TM2D2: variants seen among roughly 807,000 people sequenced by gnomAD.
TM2D2 encodes the protein TM2 domain containing 2.
In TM2D2, 19 loss-of-function variants were observed where a neutral mutation model predicts 23.0. The ratio of observed to expected loss-of-function variants is 0.82; its 90% CI spans 0.58 to 1.21. The LOEUF is 1.21. Ranked by LOEUF, TM2D2 falls within the 50% of genes most tolerant of loss-of-function variation. The pLI is 0.00. For missense variants in TM2D2, 246 were observed against 265.4 expected (o/e 0.93, Z 0.51); for synonymous variants, 120 against 108.8 (o/e 1.10, Z -0.64).
rs1026839926 is a variant in TM2D2 at position 38,991,018 on chromosome 8, T to C, written c.*314A>G. ...CACTTGCTCCAAAGGACTGAAGATA[T>C]AGCAATGTACAGAAAGGAAGACTAT... On this transcript the variant is annotated 3_prime_UTR_variant, in exon 4 of 4. Coordinates refer to ENST00000456397, the MANE Select transcript of TM2D2 (RefSeq NM_078473.3). 1.4e-4 allele frequency: 49 copies of C among 359,756 alleles called. No homozygotes were observed. The highest frequency in any genetic ancestry group is 1.5e-4 in the Non-Finnish European group (30 of 194,734). 22.3% of individuals were successfully genotyped at this position (359,756 alleles called of 1,614,324 possible). A position where few individuals can be genotyped will look rare whatever the true frequency, so the allele number is the denominator to read the frequency against.
In TM2D2 at chr8:38,996,493, G is replaced by C; in HGVS notation, c.-54C>G. On this transcript the variant is annotated 5_prime_UTR_variant, in exon 1 of 4. Transcript: ENST00000456397. Reference sequence around the variant, plus strand: ...CCTCAACCACAACCCCAGGCCAGCAGCACAGACCCAAGAACTGCGTGGTCA... The same window carrying C: ...CCTCAACCACAACCCCAGGCCAGCACCACAGACCCAAGAACTGCGTGGTCA... 6.2e-7 allele frequency: 1 copy of C among 1,607,260 alleles called. No individual in the cohort carries two copies. Among genetic ancestry groups the C allele is most frequent in the Admixed American group, 1.7e-5 (1 of 59,516 alleles).
At position 38,989,777 on chromosome 8, in the gene TM2D2, T is replaced by G. The variant is rs1188169705; in HGVS notation, c.*1555A>C. 6.6e-6 allele frequency: 1 copy of G among 151,586 alleles called. No individual in the cohort carries two copies. The highest frequency in any genetic ancestry group is 1.5e-5 in the Non-Finnish European group (1 of 68,016). The allele number at this position is 151,586 out of a possible 1,614,324, so 9.4% of individuals were successfully genotyped here. A position where few individuals can be genotyped will look rare whatever the true frequency, so the allele number is the denominator to read the frequency against. On this transcript the variant is annotated 3_prime_UTR_variant, in exon 4 of 4. Coordinates refer to ENST00000456397, the MANE Select transcript of TM2D2 (RefSeq NM_078473.3). ...ATGTTTTTTAGACTTCCCTTAGAAATTTTTTTAAAATATACATATGGCATC... is the reference window on the plus strand; with the variant it reads ...ATGTTTTTTAGACTTCCCTTAGAAAGTTTTTTAAAATATACATATGGCATC...
chr8:38,995,412 T>C lies in TM2D2; in HGVS notation c.228-7A>G. 1.2e-6 allele frequency: 2 copies of C among 1,612,552 alleles called. No individual in the cohort carries two copies. Among genetic ancestry groups the C allele is most frequent in the Non-Finnish European group, 1.7e-6 (2 of 1,179,514 alleles). On this transcript the variant is annotated splice_region_variant and splice_polypyrimidine_tract_variant and intron_variant, in intron 1 of 3. Coordinates refer to ENST00000456397, the MANE Select transcript of TM2D2 (RefSeq NM_078473.3). ...TTCTATAAATTCATCAGGTCTGTAA[T>C]TCACCAGTAAGATCATGATCATCAT...
In TM2D2 at chr8:38,995,302, C is replaced by CA. The variant is rs1835728094; in HGVS notation, c.315+15dup. On this transcript the variant is annotated intron_variant, in intron 2 of 3. Coordinates refer to ENST00000456397, the MANE Select transcript of TM2D2 (RefSeq NM_078473.3). ...GTTATCGAAGGGTTTGCTCTTACGA[C>CA]AAAACAAAAACTCACCTTGAGACAA... 6.4e-7 allele frequency: 1 copy of CA among 1,564,680 alleles called. No homozygotes were observed.
chr8:38,996,692 C>G (rs1835815227), upstream of TM2D2: 2 of 1,424,164 alleles, frequency 1.4e-6, no homozygotes, highest in Non-Finnish European at 1.8e-6. Context: ...GCTCCTCCTT[C>G]TTTTGCGCCG....
At chr8:38,995,463 T>G in intron 1 of TM2D2, 58 bp from the exon 2 acceptor site, 1 of 1,599,616 alleles carries the variant, frequency 6.3e-7, no homozygotes, top group Non-Finnish European at 8.5e-7. Context: ...AATCGCTGTT[T>G]GCATGCACGT....
intron 3 of TM2D2, 94 bp downstream of exon 3, chr8:38,993,451 G>A (rs1238511523): frequency 8.9e-6 from 8 of 897,518 alleles, no homozygotes; most frequent in Non-Finnish European, 1.3e-5. Flanking sequence ...GTGAGACCCT[G>A]TCTCTTAAAA....
chr8:38,995,812 T>C, intron 1 of TM2D2: 1 of 1,221,348 alleles, frequency 8.2e-7, no homozygotes, highest in Non-Finnish European at 1.0e-6. Context: ...GGTAAGAATA[T>C]TGATTGCTTT....
chr8:38,995,355 G>T lies in TM2D2; in HGVS notation c.278C>A (p.Ala93Glu). The T allele has an allele frequency of 6.2e-7, 1 of 1,605,784 alleles. No individual in the cohort carries two copies. The highest frequency in any genetic ancestry group is 1.1e-5 in the South Asian group (1 of 89,488). Residue 93 changes from alanine (A) to glutamate (E), a missense_variant, in exon 2 of 4, where the codon GCA becomes GAA. Ala to Glu is a moderately radical substitution (Grantham distance 107, BLOSUM62 -1). Around this residue, in one of 2 missense-constraint regions of TM2D2, gnomAD observed 212 missense variants for 202.2 expected, o/e 1.05. Coordinates refer to ENST00000456397, the MANE Select transcript of TM2D2 (RefSeq NM_078473.3). ...ATAACCAAGTTCCTGGGATGCAGTTGCATTTCCAACATGATCCACTGGGTC... is the reference window on the plus strand; with the variant it reads ...ATAACCAAGTTCCTGGGATGCAGTTTCATTTCCAACATGATCCACTGGGTC... ...CEDPVDHVGN[A>E]TASQELGYGC...
At chr8:38,993,216 A>G (rs1430221249) in intron 3 of TM2D2, among the ~76,000 whole-genome samples, 1 of 152,242 alleles carries the variant, frequency 6.6e-6, no homozygotes, top group Non-Finnish European at 1.5e-5. Context: ...CCTCTCTACT[A>G]TAAACATATT....
At position 38,995,494 on chromosome 8, in the gene TM2D2, A is replaced by T. The variant is rs560146415; in HGVS notation, c.228-89T>A. ...CACGTAATCAAAACGGGCAAAAGACATTTCTTCATCAAGTTTTCTGGGGTT... is the reference window on the plus strand; with the variant it reads ...CACGTAATCAAAACGGGCAAAAGACTTTTCTTCATCAAGTTTTCTGGGGTT... On this transcript the variant is annotated intron_variant, in intron 1 of 3. Coordinates refer to ENST00000456397, the MANE Select transcript of TM2D2 (RefSeq NM_078473.3). 1.1e-5 allele frequency: 18 copies of T among 1,583,854 alleles called. No homozygotes were observed. The South Asian group carries it at 1.8e-4, about 16-fold the overall frequency.
At chr8:38,993,733 T>A in intron 2 of TM2D2, 73 bp from the exon 3 acceptor site, 1 of 1,117,364 alleles carries the variant, frequency 8.9e-7, no homozygotes, top group Non-Finnish European at 1.3e-6. Flanking sequence ...TTATATTCAC[T>A]AATAACAGAA....
chr8:38,992,505 A>C (rs1030825778), intron 3 of TM2D2, among the ~76,000 whole-genome samples: 1 of 149,778 alleles, frequency 6.7e-6, no homozygotes, highest in African/African-American at 2.4e-5. Flanking sequence ...AAAAATACGC[A>C]TTTTTTTATA....
At position 38,993,489 on chromosome 8, in the gene TM2D2, G is replaced by T. The variant is rs1835663231; in HGVS notation, c.431+56C>A. ...AAAAATAAATAAATAAAAAGACAAG[G>T]AAAATGGCTCTACCTCCAACCAAGT... On this transcript the variant is annotated intron_variant, in intron 3 of 3. Coordinates refer to ENST00000456397, the MANE Select transcript of TM2D2 (RefSeq NM_078473.3). 10 of 1,288,206 alleles carry T rather than the reference G, an allele frequency of 7.8e-6. No homozygotes were observed. In the South Asian group the frequency reaches 1.1e-4, roughly 15 times the overall value. The allele number at this position is 1,288,206 out of a possible 1,614,324, so 79.8% of individuals were successfully genotyped here.
Position 38,995,306 on chromosome 8 carries a change from AC to A in TM2D2, c.315+11del. 1 of 1,575,522 alleles carries A rather than the reference AC, an allele frequency of 6.3e-7. No individual in the cohort carries two copies. Among genetic ancestry groups the A allele is most frequent in the Non-Finnish European group, 8.6e-7 (1 of 1,163,244 alleles). Reference sequence around the variant, plus strand: ...TCGAAGGGTTTGCTCTTACGACAAAACAAAAACTCACCTTGAGACAACCATA... The same window carrying A: ...TCGAAGGGTTTGCTCTTACGACAAAAAAAAACTCACCTTGAGACAACCATA... On this transcript the variant is annotated intron_variant, in intron 2 of 3. Transcript: ENST00000456397.
chr8:38,996,912 T>C (rs1215737660), upstream of TM2D2: 26 of 1,448,610 alleles, frequency 1.8e-5, no homozygotes, highest in East Asian at 2.5e-5. Context: ...CTCAGTTGCG[T>C]CAGTGCCGCG....
upstream of TM2D2, chr8:38,996,515 G>A (rs1835807177): frequency 1.9e-6 from 3 of 1,577,526 alleles, no homozygotes; most frequent in Non-Finnish European, 8.6e-7. Flanking sequence ...GAACTGCGTG[G>A]TCAGGCCTTT....
chr8:38,995,440 T>A (rs999038282), intron 1 of TM2D2, 35 bp from the exon 2 acceptor site: 2 of 1,608,564 alleles, frequency 1.2e-6, no homozygotes, highest in East Asian at 2.3e-5. Flanking sequence ...ATCATCATCA[T>A]ACGGTCTTTG....
At position 38,996,233 on chromosome 8, in the gene TM2D2, C is replaced by G; in HGVS notation, c.207G>C (p.Pro69=). 1 of 1,613,660 alleles carries G rather than the reference C, an allele frequency of 6.2e-7. No homozygotes were observed. The highest frequency in any genetic ancestry group is 1.1e-5 in the South Asian group (1 of 91,036). ...ASWEYGDPHS[P]VILCSYLPDE... ...CTTACAGGTAAGAGCAGAGGATGAC[C>G]GGAGAGTGGGGGTCGCCATATTCCC... Residue 69 remains proline (P), a synonymous_variant, in exon 1 of 4, where the codon CCG becomes CCC. Coordinates refer to ENST00000456397, the MANE Select transcript of TM2D2 (RefSeq NM_078473.3).
Sources: allele counts gnomAD v4.1 joint callset (sites outside exome capture counted in the v4.1 genomes callset), GRCh38; gene constraint gnomAD v4.1.1; regional missense constraint gnomAD v4.1.1; transcripts MANE v1.5; gene names NCBI Gene and HGNC (gene_info 2026-07-23, HGNC 2026-07-21).